Variants in CDH3 observed in about 807,000 individuals in gnomAD.
CDH3 encodes cadherin 3.
A neutral mutation model predicts 82.0 loss-of-function variants in CDH3; 54 were observed. The observed-to-expected ratio is 0.66, with a 90% CI of 0.53 to 0.83. CDH3 has a LOEUF of 0.83. CDH3 is among the 40% of genes least tolerant of loss of function. CDH3 has a pLI of 0.00. For synonymous variants in CDH3, 446 were observed against 437.9 expected (o/e 1.02, Z -0.23); for missense variants, 1,054 against 1,084.6 (o/e 0.97, Z 0.40).
intron 11 of CDH3, chr16:68,686,410 C>T (rs1961414326): frequency 2.9e-6 from 4 of 1,357,918 alleles, no homozygotes; most frequent in Admixed American, 1.7e-5. Flanking sequence ...AAGTTTCTTC[C>T]ACTCTTTGAC....
intron 9 of CDH3, among the ~76,000 whole-genome samples, chr16:68,682,929 G>A (rs1415020995): frequency 1.3e-5 from 2 of 152,020 alleles, no homozygotes; most frequent in African/African-American, 4.8e-5. Context: ...TGTTTTTATT[G>A]GGGTATAGGA....
downstream of CDH3, among the ~76,000 whole-genome samples, chr16:68,700,811 G>A (rs1320002164): frequency 1.3e-5 from 2 of 152,102 alleles, no homozygotes; most frequent in African/African-American, 4.8e-5. Context: ...CCGAGATCAC[G>A]CCACTGCACT....
chr16:68,653,780 C>T (rs1960320158), intron 2 of CDH3, among the ~76,000 whole-genome samples: 1 of 151,364 alleles, frequency 6.6e-6, no homozygotes, highest in Non-Finnish European at 1.5e-5. Context: ...AGCTCCGCCT[C>T]CCAGGTTCAT....
intron 13 of CDH3, among the ~76,000 whole-genome samples, chr16:68,693,702 G>A (rs1454504084): frequency 2.6e-5 from 4 of 152,166 alleles, no homozygotes; most frequent in African/African-American, 7.2e-5. Context: ...TCCCAAGGAA[G>A]GTTGGGTCTG....
intron 2 of CDH3, among the ~76,000 whole-genome samples, chr16:68,672,190 C>CAAA (rs36172561): frequency 1.8e-4 from 13 of 71,150 alleles, no homozygotes; most frequent in Non-Finnish European, 3.5e-4. Context: ...GACTCCGTCT[C>CAAA]AAAAAAAAAA....
At chr16:68,729,300 G>A (rs561259651), downstream of CDH3, among the ~76,000 whole-genome samples, 4 of 152,250 alleles carry the variant, frequency 2.6e-5, no homozygotes, top group East Asian at 1.9e-4. Flanking sequence ...GTGAGACTCC[G>A]TCTCAGAAAA....
At chr16:68,662,328 T>C (rs1960605850) in intron 2 of CDH3, among the ~76,000 whole-genome samples, 1 of 152,120 alleles carries the variant, frequency 6.6e-6, no homozygotes, top group African/African-American at 2.4e-5. Context: ...CATGGTGACA[T>C]GCACCTTTAG....
downstream of CDH3, among the ~76,000 whole-genome samples, chr16:68,703,859 A>G (rs1030711672): frequency 3.9e-5 from 6 of 152,172 alleles, no homozygotes; most frequent in Non-Finnish European, 8.8e-5. Flanking sequence ...AGGCAGGAGA[A>G]TCTCTTGAAC....
At chr16:68,687,007 C>G (rs1385876183) in intron 11 of CDH3, among the ~76,000 whole-genome samples, 2 of 152,152 alleles carry the variant, frequency 1.3e-5, no homozygotes, top group Non-Finnish European at 2.9e-5. Flanking sequence ...TCCCTTCAGC[C>G]TTAGTTTTTG....
At chr16:68,681,793 A>G (rs934347624) in intron 8 of CDH3, among the ~76,000 whole-genome samples, 2 of 151,752 alleles carry the variant, frequency 1.3e-5, no homozygotes, top group Admixed American at 6.6e-5. Flanking sequence ...AGCCGAGATC[A>G]CACCACTGCA....
chr16:68,651,086 G>T, intron 2 of CDH3: 1 of 423,790 alleles, frequency 2.4e-6, no homozygotes, highest in Non-Finnish European at 4.6e-6. Context: ...CCTGGGCCTG[G>T]GCAGTCGTTG....
chr16:68,724,872 G>C (rs1050435845), intron 2 of CDH3, among the ~76,000 whole-genome samples: 2 of 152,234 alleles, frequency 1.3e-5, no homozygotes, highest in East Asian at 3.9e-4. Flanking sequence ...CTTTGGTGTG[G>C]GGCTAGGCTG....
intron 2 of CDH3, among the ~76,000 whole-genome samples, chr16:68,654,208 T>A (rs1960336843): frequency 6.7e-6 from 1 of 150,102 alleles, no homozygotes; most frequent in Non-Finnish European, 1.5e-5. Flanking sequence ...TACAGGCATG[T>A]GCCACCATGC....
downstream of CDH3, among the ~76,000 whole-genome samples, chr16:68,729,636 ATTT>A (rs930335072): frequency 2.6e-5 from 4 of 151,926 alleles, no homozygotes; most frequent in African/African-American, 9.7e-5. Context: ...ATTCAAACAC[ATTT>A]TTTTATTTGT....
intron 2 of CDH3, among the ~76,000 whole-genome samples, chr16:68,657,134 G>T (rs186917216): frequency 6.6e-6 from 1 of 152,310 alleles, no homozygotes; most frequent in East Asian, 1.9e-4. Context: ...ATTCCCTCCA[G>T]GCTGCAGCTG....
At chr16:68,696,035 C>T (rs1055819220) in intron 15 of CDH3, 112 bp downstream of exon 15, 17 of 1,100,922 alleles carry the variant, frequency 1.5e-5, no homozygotes, top group Non-Finnish European at 2.3e-5. Flanking sequence ...ATTCTGACTC[C>T]ACCACCAACC....
At chr16:68,725,631 C>A (rs1962212298) in intron 2 of CDH3, among the ~76,000 whole-genome samples, 1 of 152,124 alleles carries the variant, frequency 6.6e-6, no homozygotes, top group Non-Finnish European at 1.5e-5. Context: ...CCGCGCCCGG[C>A]CCTTCACCTA....
chr16:68,704,059 G>T (rs1961929367), downstream of CDH3, among the ~76,000 whole-genome samples: 1 of 152,132 alleles, frequency 6.6e-6, no homozygotes, highest in Non-Finnish European at 1.5e-5. Flanking sequence ...GGCCGAGGCG[G>T]GCGGATCACG....
At chr16:68,669,716 G>A (rs964963220) in intron 2 of CDH3, among the ~76,000 whole-genome samples, 2 of 152,144 alleles carry the variant, frequency 1.3e-5, no homozygotes, top group African/African-American at 2.4e-5. Flanking sequence ...TACCTGGTGG[G>A]AGAGGATTGG....
Sources: allele counts gnomAD v4.1 joint callset (sites outside exome capture counted in the v4.1 genomes callset), GRCh38; gene constraint gnomAD v4.1.1; transcripts MANE v1.5; gene names NCBI Gene and HGNC (gene_info 2026-07-23, HGNC 2026-07-21).